Variants in VPS8 observed in about 807,000 individuals in gnomAD.
VPS8 encodes vacuolar protein sorting-associated protein 8 homolog.
A neutral mutation model predicts 216.4 loss-of-function variants in VPS8; 129 were observed. That is an observed-to-expected ratio of 0.60 (90% CI 0.52 to 0.69). VPS8 has a LOEUF of 0.69. Ranked by LOEUF, VPS8 falls within the 30% of genes least tolerant of loss-of-function variation. The pLI is 0.00. For synonymous variants in VPS8, 571 were observed against 565.4 expected (o/e 1.01, Z -0.14); for missense variants, 1,531 against 1,683.5 (o/e 0.91, Z 1.59).
At chr3:184,825,383 T>C (rs1457247267) in intron 2 of VPS8, among the ~76,000 whole-genome samples, 1 of 152,146 alleles carries the variant, frequency 6.6e-6, no homozygotes, top group Non-Finnish European at 1.5e-5. Flanking sequence ...TTTTTTTCCC[T>C]TTGATTTAAT....
Position 184,839,709 on chromosome 3 carries a change from T to G in VPS8, c.492T>G (p.Ser164Arg). The G allele has an allele frequency of 6.2e-7, 1 of 1,606,476 alleles. No homozygotes were observed. ...AGLPTAIAVS[S>R]LIAVGTSHGL... is the part of the protein sequence containing the mutation. ...CCTTTTGTTTTCAGGCAGTATCCAG[T>G]CTGATAGCAGTGGGTACATCTCATG... Residue 164 changes from serine to arginine, a missense_variant, in exon 7 of 48, where the codon AGT becomes AGG. Physicochemically the swap from Ser to Arg is moderately radical, Grantham distance 110. This residue lies in a region of VPS8 where 14 missense variants were observed against 32.9 expected (regional missense o/e 0.43). Transcript: ENST00000625842.
chr3:185,013,637 T>C lies in VPS8; in HGVS notation c.4003-10699T>C, dbSNP rs1375542394. On this transcript the variant is annotated intron_variant, in intron 45 of 47. Coordinates refer to ENST00000625842, the MANE Select transcript of VPS8 (RefSeq NM_001009921.3). ...TATTCTTTCCTAAATTTTGATCTTA[T>C]TAAGAGCTATTCATAGTTTCCACAA... Among the ~76,000 whole-genome samples the C allele has an allele frequency of 2.0e-5, 3 of 152,360 alleles. No individual in the cohort carries two copies. The East Asian group carries it at 5.8e-4, about 29-fold the overall frequency.
chr3:184,855,947 A>G (rs1185933244), intron 14 of VPS8, 129 bp downstream of exon 14: 4 of 665,294 alleles, frequency 6.0e-6, no homozygotes, highest in Non-Finnish European at 9.8e-6. Context: ...TTTAATTTTT[A>G]TCTAAGGCTT....
At chr3:184,830,669 A>T (rs1450864895) in intron 3 of VPS8, among the ~76,000 whole-genome samples, 1 of 151,970 alleles carries the variant, frequency 6.6e-6, no homozygotes, top group Non-Finnish European at 1.5e-5. Context: ...TTCTTTAATT[A>T]TGTCCCCAGG....
intron 36 of VPS8, among the ~76,000 whole-genome samples, 197 bp downstream of exon 36, chr3:184,940,440 T>C (rs1045266182): frequency 6.6e-6 from 1 of 152,182 alleles, no homozygotes; most frequent in African/African-American, 2.4e-5. Flanking sequence ...GAGATAATAC[T>C]TTTCTTTCCA....
At chr3:185,040,520 G>A (rs1005265800) in intron 46 of VPS8, among the ~76,000 whole-genome samples, 1 of 152,018 alleles carries the variant, frequency 6.6e-6, no homozygotes, top group Non-Finnish European at 1.5e-5. Context: ...TCTTGTCCAG[G>A]CAGAACATCC....
chr3:185,037,429 A>G (rs1577246195), intron 46 of VPS8, among the ~76,000 whole-genome samples: 1 of 152,242 alleles, frequency 6.6e-6, no homozygotes, highest in East Asian at 1.9e-4. Flanking sequence ...ATATATTATT[A>G]TGATGTATCT....
chr3:184,813,063 C>A (rs1482742965), intron 1 of VPS8, among the ~76,000 whole-genome samples: 1 of 152,142 alleles, frequency 6.6e-6, no homozygotes, highest in East Asian at 1.9e-4. Flanking sequence ...AGGGAAACAG[C>A]TGCTCAGAGT....
intron 45 of VPS8, among the ~76,000 whole-genome samples, chr3:185,012,942 G>GAAAC (rs1367351907): frequency 0.011 from 1,617 of 152,256 alleles, 31 homozygotes; most frequent in African/African-American, 0.036. Context: ...TGTTTCTATA[G>GAAAC]ATTATAGATT....
chr3:184,910,921 C>A (rs560714145), intron 25 of VPS8, among the ~76,000 whole-genome samples: 3 of 152,104 alleles, frequency 2.0e-5, no homozygotes, highest in Non-Finnish European at 4.4e-5. Context: ...TGTATGATGT[C>A]CAGGTTTTAT....
chr3:184,905,773 A>G (rs1735389580), intron 25 of VPS8, among the ~76,000 whole-genome samples: 1 of 152,168 alleles, frequency 6.6e-6, no homozygotes, highest in South Asian at 2.1e-4. Flanking sequence ...AAAGAAACTT[A>G]GCCTGTAAAC....
chr3:185,031,075 T>TG (rs544800412), intron 46 of VPS8, among the ~76,000 whole-genome samples: 10,379 of 143,528 alleles, frequency 0.072, 411 homozygotes, highest in Non-Finnish European at 0.082. Context: ...TTTTTTTTTT[T>TG]TTTTTTTTTT....
chr3:184,961,534 G>A (rs1207787110), intron 37 of VPS8, among the ~76,000 whole-genome samples: 1 of 151,996 alleles, frequency 6.6e-6, no homozygotes, highest in Non-Finnish European at 1.5e-5. Context: ...TAAAAGTAGA[G>A]CACCCATTAT....
At chr3:184,817,100 G>A (rs560566876) in intron 1 of VPS8, 1 of 152,260 alleles carries the variant, frequency 6.6e-6, no homozygotes, top group East Asian at 1.9e-4. Flanking sequence ...TGAGCTAAGT[G>A]ATTTAAAAAT....
intron 21 of VPS8, among the ~76,000 whole-genome samples, chr3:184,885,047 C>A (rs1261501125): frequency 6.6e-6 from 1 of 152,152 alleles, no homozygotes; most frequent in Non-Finnish European, 1.5e-5. Context: ...AGAATCAAAT[C>A]TACATGTAGT....
intron 25 of VPS8, among the ~76,000 whole-genome samples, chr3:184,910,538 T>C (rs1403367449): frequency 6.6e-6 from 1 of 152,184 alleles, no homozygotes; most frequent in Admixed American, 6.5e-5. Context: ...TGATCCTGGT[T>C]TTTTGTCTTT....
At chr3:184,971,290 C>T (rs1039746235) in intron 39 of VPS8, among the ~76,000 whole-genome samples, 3 of 152,074 alleles carry the variant, frequency 2.0e-5, no homozygotes, top group Admixed American at 6.6e-5. Context: ...GGGGAAATAT[C>T]TACATTTAAG....
At chr3:184,966,325 A>T (rs1747406928) in intron 38 of VPS8, among the ~76,000 whole-genome samples, 1 of 152,184 alleles carries the variant, frequency 6.6e-6, no homozygotes, top group African/African-American at 2.4e-5. Flanking sequence ...ACTGAGTCCC[A>T]CCTTCCAATA....
At chr3:185,015,805 A>G (rs1755704790) in intron 45 of VPS8, among the ~76,000 whole-genome samples, 1 of 152,216 alleles carries the variant, frequency 6.6e-6, no homozygotes, top group African/African-American at 2.4e-5. Context: ...ATGTAATTTA[A>G]CAATCCGAGT....
Sources: allele counts gnomAD v4.1 joint callset (sites outside exome capture counted in the v4.1 genomes callset), GRCh38; gene constraint gnomAD v4.1.1; regional missense constraint gnomAD v4.1.1; transcripts MANE v1.5; gene names NCBI Gene and HGNC (gene_info 2026-07-23, HGNC 2026-07-21).